TRPC5OS: variants seen among roughly 807,000 people sequenced by gnomAD.
TRPC5OS encodes putative uncharacterized protein TRPC5OS.
For missense variants in TRPC5OS, 64 were observed against 79.3 expected (o/e 0.81, Z 0.73); for synonymous variants, 30 against 29.3 (o/e 1.02, Z -0.08).
intron 1 of TRPC5OS, among the ~76,000 whole-genome samples, chrX:111,884,918 T>C (rs1050460927): frequency 7.1e-5 from 8 of 112,476 alleles, no homozygotes; most frequent in African/African-American, 1.9e-4. Context: ...GGTCAGACTT[T>C]AGTTAAGTTC....
chrX:111,901,562 G>T lies in TRPC5OS; in HGVS notation c.-288G>T. ...TAGGTCTGCTTTGCTGTTTTCTCTT[G>T]GCTGTGACAGTCCGCCTGATGGTCA... On this transcript the variant is annotated 5_prime_UTR_variant, in exon 4 of 4. Transcript: ENST00000635763. 5.1e-6 allele frequency: 1 copy of T among 197,746 alleles called. No homozygotes were observed. The highest frequency in any genetic ancestry group is 9.2e-6 in the Non-Finnish European group (1 of 108,272). 16.3% of individuals were successfully genotyped at this position (197,746 alleles called of 1,213,427 possible).
At chrX:111,897,368 G>A (rs1925117506) in intron 3 of TRPC5OS, among the ~76,000 whole-genome samples, 1 of 111,202 alleles carries the variant, frequency 9.0e-6, no homozygotes. Context: ...TGGGGATTGT[G>A]CTTGGTTACT....
chrX:111,880,110 C>A (rs1317541275), intron 1 of TRPC5OS, among the ~76,000 whole-genome samples: 1 of 110,051 alleles, frequency 9.1e-6, no homozygotes, highest in Admixed American at 9.7e-5. Flanking sequence ...AACCACATGG[C>A]TATTTTCCTA....
chrX:111,887,651 G>A lies in TRPC5OS; in HGVS notation c.-545-8300G>A, dbSNP rs190322130. On this transcript the variant is annotated intron_variant, in intron 1 of 3. Transcript: ENST00000635763. ...AATGTGAAATGGAGATAAATTCTGTGTTACCCTACCCACCTCATATAGTAA... is the reference window on the plus strand; with the variant it reads ...AATGTGAAATGGAGATAAATTCTGTATTACCCTACCCACCTCATATAGTAA... Among the ~76,000 whole-genome samples, 35 of 112,303 alleles carry A rather than the reference G, an allele frequency of 3.1e-4. No individual in the cohort carries two copies. The East Asian group carries it at 8.1e-3, about 26-fold the overall frequency.
intron 1 of TRPC5OS, among the ~76,000 whole-genome samples, 164 bp downstream of exon 1, chrX:111,876,437 C>T (rs1008250623): frequency 1.4e-4 from 16 of 111,584 alleles, no homozygotes; most frequent in African/African-American, 3.3e-4. Context: ...ATATTGGGCA[C>T]GCCGTACCCC....
intron 1 of TRPC5OS, among the ~76,000 whole-genome samples, chrX:111,886,333 T>C (rs994091934): frequency 8.9e-6 from 1 of 112,598 alleles, no homozygotes; most frequent in African/African-American, 3.2e-5. Context: ...CAGTGTCAGA[T>C]ACTTCAGTAC....
rs563880979 is a variant in TRPC5OS, at chrX:111,899,122, A to G, written c.-310-2418A>G. Among the ~76,000 whole-genome samples, 11 of 110,369 alleles carry G rather than the reference A, an allele frequency of 1.0e-4. No individual in the cohort carries two copies. The East Asian group carries it at 3.1e-3, about 31-fold the overall frequency. On this transcript the variant is annotated intron_variant, in intron 3 of 3. Transcript: ENST00000635763. ...CCCTCTCCTCACCCACTAGTTGCTA[A>G]ATTCTGAGATTGAGAATAAAAAATA...
intron 3 of TRPC5OS, among the ~76,000 whole-genome samples, chrX:111,900,724 A>G (rs1427186823): frequency 9.0e-6 from 1 of 111,599 alleles, no homozygotes; most frequent in East Asian, 2.8e-4. Context: ...TTAGCAGAGA[A>G]GAAAGAGTTA....
At chrX:111,897,151 T>A (rs1439188326) in intron 3 of TRPC5OS, among the ~76,000 whole-genome samples, 1 of 111,582 alleles carries the variant, frequency 9.0e-6, no homozygotes, top group African/African-American at 3.3e-5. Flanking sequence ...TCCTAAGATA[T>A]CTCATTATGT....
intron 3 of TRPC5OS, among the ~76,000 whole-genome samples, chrX:111,898,517 C>A (rs370731004): frequency 9.2e-6 from 1 of 108,762 alleles, no homozygotes; most frequent in East Asian, 2.9e-4. Context: ...GAAAGTTGTT[C>A]CTCCCTCCCT....
chrX:111,885,470 A>T (rs1397786036), intron 1 of TRPC5OS, among the ~76,000 whole-genome samples: 1 of 110,093 alleles, frequency 9.1e-6, no homozygotes, highest in East Asian at 2.8e-4. Flanking sequence ...TATATTTAGC[A>T]TTGAAAACTC....
intron 1 of TRPC5OS, among the ~76,000 whole-genome samples, chrX:111,876,670 A>T (rs1923960792): frequency 1.8e-5 from 2 of 111,506 alleles, no homozygotes; most frequent in South Asian, 3.8e-4. Context: ...ATTCTGTTTC[A>T]TATGAATATC....
intron 3 of TRPC5OS, among the ~76,000 whole-genome samples, chrX:111,899,385 A>G (rs753494155): frequency 8.9e-6 from 1 of 111,964 alleles, no homozygotes; most frequent in Non-Finnish European, 1.9e-5. Context: ...TGAATCAAAT[A>G]TAATTTATTC....
intron 1 of TRPC5OS, among the ~76,000 whole-genome samples, chrX:111,888,084 G>A (rs1465149707): frequency 1.8e-5 from 2 of 111,012 alleles, no homozygotes; most frequent in Admixed American, 9.6e-5. Flanking sequence ...AGAAGGTGAG[G>A]GATTTAGCTC....
chrX:111,876,597 G>A (rs1923956280), intron 1 of TRPC5OS, among the ~76,000 whole-genome samples: 1 of 111,572 alleles, frequency 9.0e-6, no homozygotes, highest in Non-Finnish European at 1.9e-5. Context: ...AAGACCTAAT[G>A]CCCTGAGGGA....
chrX:111,892,647 A>C (rs750495194), intron 1 of TRPC5OS, among the ~76,000 whole-genome samples: 4 of 111,916 alleles, frequency 3.6e-5, no homozygotes, highest in South Asian at 3.8e-4. Flanking sequence ...GATTGTTCTT[A>C]GGTCTCCTGA....
intron 1 of TRPC5OS, among the ~76,000 whole-genome samples, chrX:111,880,620 C>T (rs1333922862): frequency 8.9e-6 from 1 of 112,310 alleles, no homozygotes; most frequent in Non-Finnish European, 1.9e-5. Flanking sequence ...TAACTTATAA[C>T]TTGGTACAGA....
At chrX:111,892,697 T>C (rs894514575) in intron 1 of TRPC5OS, among the ~76,000 whole-genome samples, 1 of 111,902 alleles carries the variant, frequency 8.9e-6, no homozygotes, top group African/African-American at 3.3e-5. Flanking sequence ...ACAGTCCTGT[T>C]CCCTCACATT....
intron 1 of TRPC5OS, among the ~76,000 whole-genome samples, chrX:111,891,115 T>C (rs1048736025): frequency 2.7e-5 from 3 of 112,349 alleles, no homozygotes; most frequent in African/African-American, 9.7e-5. Flanking sequence ...CAATCTACCA[T>C]TGATGGGCAT....
Sources: allele counts gnomAD v4.1 joint callset (sites outside exome capture counted in the v4.1 genomes callset), GRCh38; gene constraint gnomAD v4.1.1; transcripts MANE v1.5; gene names NCBI Gene and HGNC (gene_info 2026-07-23, HGNC 2026-07-21).